The following CNOT4 variants were observed in gnomAD, a reference collection of about 807,000 sequenced individuals.
CNOT4 encodes CCR4-associated factor 4.
A neutral mutation model predicts 73.8 loss-of-function variants in CNOT4; 8 were observed. The ratio of observed to expected loss-of-function variants is 0.11; its 90% CI spans 0.06 to 0.20. The LOEUF is 0.20. CNOT4 is among the 10% of genes least tolerant of loss of function. The pLI is 1.00. For synonymous variants in CNOT4, 293 were observed against 321.1 expected, an observed-to-expected ratio of 0.91 and a Z score of 0.94; for missense variants, 564 against 883.4, an observed-to-expected ratio of 0.64 and a Z score of 4.58.
At chr7:135,499,142 C>T (rs772899706) in intron 1 of CNOT4, among the ~76,000 whole-genome samples, 48 of 152,196 alleles carry the variant, frequency 3.2e-4, no homozygotes, top group Middle Eastern at 3.4e-3. Flanking sequence ...TTTCCAGTTT[C>T]CCCTGCTCTT....
At chr7:135,440,816 G>A (rs139016828) in intron 1 of CNOT4, among the ~76,000 whole-genome samples, 8 of 152,160 alleles carry the variant, frequency 5.3e-5, no homozygotes, top group African/African-American at 1.7e-4. Context: ...CTACTTGGGA[G>A]GCTGAAGCAA....
At chr7:135,479,269 T>A (rs1802207243) in intron 1 of CNOT4, among the ~76,000 whole-genome samples, 3 of 140,048 alleles carry the variant, frequency 2.1e-5, no homozygotes, top group Admixed American at 1.6e-4. Flanking sequence ...AGTGCAGTAG[T>A]GTGATCTCGG....
intron 2 of CNOT4, among the ~76,000 whole-genome samples, chr7:135,437,479 G>A (rs910211632): frequency 2.0e-5 from 3 of 151,680 alleles, no homozygotes; most frequent in Non-Finnish European, 4.4e-5. Context: ...GTGAGCCACC[G>A]CGCCCGGCCA....
At chr7:135,395,120 C>A (rs1796605713) in intron 9 of CNOT4, among the ~76,000 whole-genome samples, 1 of 152,064 alleles carries the variant, frequency 6.6e-6, no homozygotes, top group South Asian at 2.1e-4. Flanking sequence ...AGGTGCAGTG[C>A]TTCATGCCTG....
At chr7:135,445,274 A>G (rs1028219691) in intron 1 of CNOT4, among the ~76,000 whole-genome samples, 1 of 152,238 alleles carries the variant, frequency 6.6e-6, no homozygotes, top group Non-Finnish European at 1.5e-5. Flanking sequence ...CTATTAGTAT[A>G]TGATCAAACT....
At chr7:135,415,366 A>T (rs1585608754) in intron 3 of CNOT4, 104 bp from the exon 4 acceptor site, 2 of 592,588 alleles carry the variant, frequency 3.4e-6, no homozygotes, top group East Asian at 6.0e-5. Flanking sequence ...GGAAAAAGAT[A>T]ATTTTTAAAG....
chr7:135,393,806 A>G, intron 10 of CNOT4, 112 bp downstream of exon 10: 1 of 720,494 alleles, frequency 1.4e-6, no homozygotes, highest in Non-Finnish European at 2.4e-6. Context: ...AATCTTTCAT[A>G]GACATTTCCA....
chr7:135,468,455 TG>T (rs1801365065), intron 1 of CNOT4, among the ~76,000 whole-genome samples: 1 of 151,862 alleles, frequency 6.6e-6, no homozygotes, highest in Admixed American at 6.6e-5. Flanking sequence ...CCAAGGCAGG[TG>T]GGTGACCTGA....
At chr7:135,487,832 T>C (rs1365957680) in intron 1 of CNOT4, among the ~76,000 whole-genome samples, 1 of 152,130 alleles carries the variant, frequency 6.6e-6, no homozygotes, top group Non-Finnish European at 1.5e-5. Context: ...GGCAGGCGGA[T>C]CACGAGGTCA....
intron 7 of CNOT4, among the ~76,000 whole-genome samples, chr7:135,400,137 T>C (rs540432851): frequency 6.6e-6 from 1 of 152,092 alleles, no homozygotes; most frequent in South Asian, 2.1e-4. Context: ...AAGAACAGCA[T>C]TAAAGGTAGG....
chr7:135,428,617 C>T (rs1585629247), intron 2 of CNOT4, among the ~76,000 whole-genome samples: 1 of 151,912 alleles, frequency 6.6e-6, no homozygotes, highest in African/African-American at 2.4e-5. Context: ...ACAAAACAAA[C>T]TATTCGCACA....
intron 1 of CNOT4, among the ~76,000 whole-genome samples, chr7:135,450,739 CAAT>C (rs1449515819): frequency 1.2e-4 from 18 of 152,170 alleles, no homozygotes; most frequent in African/African-American, 2.4e-4. Flanking sequence ...AAAATAACAA[CAAT>C]GTCTGTCTAA....
intron 2 of CNOT4, among the ~76,000 whole-genome samples, chr7:135,424,040 AACACACACACACACACAC>A (rs3138785): frequency 0.18 from 26,000 of 144,228 alleles, 2,477 homozygotes; most frequent in East Asian, 0.28. Flanking sequence ...AAACAAACAA[AACACACACACACACACAC>A]ACACACACAC....
At chr7:135,495,684 AAAAAAAAAAGAAAGAAAGAAAG>A (rs1563083403) in intron 1 of CNOT4, among the ~76,000 whole-genome samples, 17 of 97,706 alleles carry the variant, frequency 1.7e-4, no homozygotes, top group Non-Finnish European at 3.3e-4. Flanking sequence ...AAAAAAAAAA[AAAAAAAAAAGAAAGAAAGAAAG>A]AAAGAAAGAA....
At chr7:135,451,892 G>A (rs1800191945) in intron 1 of CNOT4, among the ~76,000 whole-genome samples, 1 of 152,146 alleles carries the variant, frequency 6.6e-6, no homozygotes, top group Non-Finnish European at 1.5e-5. Context: ...CTGTACCATA[G>A]ACATGTGCAA....
chr7:135,363,154 A>C lies in CNOT4; in HGVS notation c.1873T>G (p.Ser625Ala). ...TGTGGAGGATTGTCATCTTGAAGAG[A>C]GTCTAAACTGTTTCCTGAAGACGCT... The part of the protein sequence containing the change: ...IPASSGNSLD[S>A]LQDDNPPHWL... The change falls in exon 12 of 12, where the codon TCT becomes GCT. Residue 625 changes from serine to alanine, a missense_variant. Transcript: ENST00000541284. This position sits in a 1 kb window ranked among gnomAD's most constrained non-coding sequence, Gnocchi z 4.3. 1 of 1,613,728 alleles carries C rather than the reference A, an allele frequency of 6.2e-7. No individual in the cohort carries two copies. The highest frequency in any genetic ancestry group is 8.5e-7 in the Non-Finnish European group (1 of 1,180,018).
chr7:135,395,509 G>A (rs2129483436), intron 9 of CNOT4, 125 bp downstream of exon 9: 1 of 1,062,074 alleles, frequency 9.4e-7, no homozygotes, highest in East Asian at 2.4e-5. Flanking sequence ...TTAAATATTT[G>A]CATTTTTATT....
chr7:135,425,723 AC>A (rs1347727417), intron 2 of CNOT4, among the ~76,000 whole-genome samples: 1 of 152,204 alleles, frequency 6.6e-6, no homozygotes, highest in Non-Finnish European at 1.5e-5. Context: ...AAATATGCTA[AC>A]CACAAATAGC....
chr7:135,493,279 T>C (rs6945641), intron 1 of CNOT4, among the ~76,000 whole-genome samples: 108,611 of 152,014 alleles, frequency 0.71, 39,101 homozygotes, highest in Middle Eastern at 0.79. Context: ...CTCCTGCCTC[T>C]ACCTCTCAAG....
Sources: gnomAD v4.1 joint callset for allele counts (sites outside exome capture counted in the v4.1 genomes callset) on GRCh38, gnomAD v4.1.1 for gene constraint, Gnocchi (gnomAD v3.1) non-coding constraint, MANE v1.5 for transcripts, NCBI Gene and HGNC (gene_info 2026-07-23, HGNC 2026-07-21) for gene names.